HDAC4: variants seen among roughly 807,000 people sequenced by gnomAD.
HDAC4 encodes histone deacetylase A.
A neutral mutation model predicts 135.1 loss-of-function variants in HDAC4; 16 were observed. The observed-to-expected ratio is 0.12, with a 90% CI of 0.08 to 0.18. The LOEUF (loss-of-function observed/expected upper bound fraction) is 0.18, where lower values mean the gene tolerates loss of function less well. HDAC4 is among the 10% of genes least tolerant of loss of function. The pLI, the probability that HDAC4 is intolerant of heterozygous loss-of-function variation, is 1.00. For missense variants in HDAC4, 1,143 were observed against 1,511.8 expected, an observed-to-expected ratio of 0.76 and a Z score of 4.05; for synonymous variants, 685 against 653.4, an observed-to-expected ratio of 1.05 and a Z score of -0.74.
chr2:239,262,852 C>T lies in HDAC4; in HGVS notation c.23-26188G>A, dbSNP rs1038670041. On this transcript the variant is annotated intron_variant, in intron 2 of 26. Transcript: ENST00000543185. This position sits in a 1 kb window ranked among gnomAD's most constrained non-coding sequence, Gnocchi z 4.1. ...CCAGCAGCTCTTGGAAAAGCTGGTG[C>T]CCTGGTGAGCAGGAGAGCGTGAGGC... is the stretch of plus-strand genomic sequence containing the variant. Among the ~76,000 whole-genome samples the T allele has an allele frequency of 1.3e-5, 2 of 152,166 alleles. No homozygotes were observed. Among genetic ancestry groups the T allele is most frequent in the African/African-American group, 4.8e-5 (2 of 41,444 alleles).
chr2:239,361,071 A>G (rs1449425111), intron 1 of HDAC4, among the ~76,000 whole-genome samples: 1 of 151,972 alleles, frequency 6.6e-6, no homozygotes, highest in African/African-American at 2.4e-5. Context: ...TGCCCTTCCA[A>G]GTTCTTTCCT....
At chr2:239,164,418 G>A (rs991834001) in intron 5 of HDAC4, among the ~76,000 whole-genome samples, 3 of 152,230 alleles carry the variant, frequency 2.0e-5, no homozygotes, top group Non-Finnish European at 4.4e-5. Context: ...GCATCAAAGG[G>A]CAGCGCCTGT....
chr2:239,312,083 C>G (rs1372205052), intron 2 of HDAC4, among the ~76,000 whole-genome samples: 1 of 152,228 alleles, frequency 6.6e-6, no homozygotes, highest in Non-Finnish European at 1.5e-5. Flanking sequence ...TCAGTTTAGA[C>G]TTGAGGAACC....
intron 24 of HDAC4, among the ~76,000 whole-genome samples, chr2:239,061,226 T>C (rs1268158539): frequency 6.6e-6 from 1 of 151,720 alleles, no homozygotes; most frequent in East Asian, 1.9e-4. Flanking sequence ...GTGGTGTGTG[T>C]GTGCACGTGA....
At chr2:239,371,211 C>T (rs1371934319) in intron 1 of HDAC4, among the ~76,000 whole-genome samples, 1 of 152,240 alleles carries the variant, frequency 6.6e-6, no homozygotes, top group African/African-American at 2.4e-5. Context: ...CAGGCTCCAA[C>T]AAGGAGTCCA....
At chr2:239,077,624 C>T (rs922589028) in intron 22 of HDAC4, among the ~76,000 whole-genome samples, 1 of 152,222 alleles carries the variant, frequency 6.6e-6, no homozygotes, top group African/African-American at 2.4e-5. Context: ...CTTAAAGAGA[C>T]ATAATTGCTT....
chr2:239,098,489 C>T (rs1435408909), intron 16 of HDAC4, among the ~76,000 whole-genome samples: 5 of 152,366 alleles, frequency 3.3e-5, no homozygotes, highest in Admixed American at 1.3e-4. Context: ...GGCACCCACT[C>T]GCCAGGGGCC....
intron 19 of HDAC4, among the ~76,000 whole-genome samples, chr2:239,085,185 G>A (rs929252994): frequency 3.3e-5 from 5 of 152,020 alleles, no homozygotes; most frequent in Non-Finnish European, 7.4e-5. Flanking sequence ...CTGCCGCCAC[G>A]CCCCAGGAGA....
chr2:239,215,187 T>C (rs2046563540), intron 3 of HDAC4, among the ~76,000 whole-genome samples: 1 of 152,108 alleles, frequency 6.6e-6, no homozygotes, highest in African/African-American at 2.4e-5. Flanking sequence ...TTGGATGTGA[T>C]GATGCTGGAG....
At chr2:239,054,171 T>C (rs1179605387) in intron 25 of HDAC4, among the ~76,000 whole-genome samples, 1 of 152,140 alleles carries the variant, frequency 6.6e-6, no homozygotes, top group African/African-American at 2.4e-5. Context: ...CTACCCCTGC[T>C]TCTGTGGACA....
chr2:239,200,915 G>C (rs2045716556), intron 3 of HDAC4, among the ~76,000 whole-genome samples: 1 of 152,182 alleles, frequency 6.6e-6, no homozygotes, highest in Non-Finnish European at 1.5e-5. Context: ...AGCTCTTCAG[G>C]CTCCCTGAGA....
intron 3 of HDAC4, among the ~76,000 whole-genome samples, chr2:239,210,717 C>T (rs921506933): frequency 2.0e-4 from 31 of 152,132 alleles, no homozygotes; most frequent in African/African-American, 7.0e-4. Flanking sequence ...GACAGAGTGA[C>T]GGCACAAAAT....
intron 3 of HDAC4, among the ~76,000 whole-genome samples, chr2:239,191,424 G>A (rs1288714737): frequency 6.6e-6 from 1 of 152,216 alleles, no homozygotes; most frequent in Non-Finnish European, 1.5e-5. Flanking sequence ...ACCGATTTGG[G>A]TGAAACAGCC....
rs574092749 is a variant in HDAC4 at position 239,223,053 on chromosome 2, T to C, written c.94+13540A>G. ...AAATATATTGTCTGAAAATTAAAAATAGTTTCAGTGGTCTAGGAAGCCTAC... is the reference window on the plus strand; with the variant it reads ...AAATATATTGTCTGAAAATTAAAAACAGTTTCAGTGGTCTAGGAAGCCTAC... On this transcript the variant is annotated intron_variant, in intron 3 of 26. Coordinates refer to ENST00000543185, the MANE Select transcript of HDAC4 (RefSeq NM_001378414.1). Among the ~76,000 whole-genome samples the C allele has an allele frequency of 1.4e-3, 220 of 152,322 alleles. 1 individual carries two copies. Among genetic ancestry groups the C allele is most frequent in the Non-Finnish European group, 2.7e-3 (186 of 68,030 alleles).
intron 2 of HDAC4, among the ~76,000 whole-genome samples, chr2:239,256,125 A>G (rs1248785819): frequency 1.3e-5 from 2 of 152,210 alleles, no homozygotes; most frequent in Non-Finnish European, 2.9e-5. Flanking sequence ...GAGCATCTCA[A>G]GTGTGTTCCA....
intron 6 of HDAC4, chr2:239,161,891 C>T: frequency 5.5e-6 from 2 of 366,580 alleles, no homozygotes; most frequent in Non-Finnish European, 1.1e-5. Context: ...TGCCCCAGGC[C>T]ACTTCTTCTC....
In HDAC4 at chr2:239,400,504, C is replaced by A. The variant is rs1297607249; in HGVS notation, c.-220+474G>T. The A allele has an allele frequency of 6.8e-6, 1 of 146,002 alleles. No individual in the cohort carries two copies. Among genetic ancestry groups the A allele is most frequent in the Admixed American group, 6.8e-5 (1 of 14,742 alleles). 9.0% of individuals were successfully genotyped at this position (146,002 alleles called of 1,614,324 possible). On this transcript the variant is annotated intron_variant, in intron 1 of 26. Coordinates refer to ENST00000543185, the MANE Select transcript of HDAC4 (RefSeq NM_001378414.1). This position sits in a 1 kb window ranked among gnomAD's most constrained non-coding sequence, Gnocchi z 4.7. ...GTGGAAAGGTCCAGAAGGGGCCGGG[C>A]GGCCCTGGGGACCGGCGGGTCCCAC...
At chr2:239,123,882 GAA>G (rs1193480757) in intron 12 of HDAC4, among the ~76,000 whole-genome samples, 1 of 152,084 alleles carries the variant, frequency 6.6e-6, no homozygotes, top group East Asian at 1.9e-4. Context: ...CGTGTGCTAG[GAA>G]AGTCTATCTC....
intron 1 of HDAC4, among the ~76,000 whole-genome samples, chr2:239,389,859 C>A (rs1187514361): frequency 6.6e-6 from 1 of 152,230 alleles, no homozygotes; most frequent in Non-Finnish European, 1.5e-5. Context: ...CCAGGCTGAG[C>A]CACTCGGTGC....
Sources: allele counts gnomAD v4.1 joint callset (sites outside exome capture counted in the v4.1 genomes callset), GRCh38; gene constraint gnomAD v4.1.1; non-coding constraint Gnocchi (gnomAD v3.1); transcripts MANE v1.5; gene names NCBI Gene and HGNC (gene_info 2026-07-23, HGNC 2026-07-21).